RALGPS2: variants seen among roughly 807,000 people sequenced by gnomAD.
The protein encoded by RALGPS2 is Ral GEF with PH domain and SH3 binding motif 2.
In RALGPS2, 43 loss-of-function variants were observed where a neutral mutation model predicts 86.8. The observed-to-expected ratio is 0.50, with a 90% CI of 0.39 to 0.64. The LOEUF is 0.64. Among genes scored for constraint, RALGPS2 ranks in the 30% least tolerant of loss-of-function variants. The pLI, the probability that RALGPS2 is intolerant of heterozygous loss-of-function variation, is 0.00. For missense variants in RALGPS2, 536 were observed against 694.6 expected (o/e 0.77, Z 2.57); for synonymous variants, 243 against 231.3 (o/e 1.05, Z -0.46).
In RALGPS2 at chr1:178,811,359, A is replaced by T; in HGVS notation, c.342A>T (p.Leu114Phe). The stretch of plus-strand genomic sequence containing the variant: ...GAGAGATTCTTCATGCTCAAACATT[A>T]AAAATTAGAGCAGAAGTTTTGAGCC... ...VVREILHAQT[L>F]KIRAEVLSHY... Residue 114 changes from leucine (L) to phenylalanine (F), a missense_variant, in exon 6 of 20, where the codon TTA becomes TTT. Leu to Phe is a conservative substitution (Grantham distance 22, BLOSUM62 0). Around this residue, in one of 3 missense-constraint regions of RALGPS2, gnomAD observed 184 missense variants for 296.7 expected, o/e 0.62. Transcript: ENST00000367635. The T allele has an allele frequency of 6.5e-7, 1 of 1,550,272 alleles. No homozygotes were observed. The highest frequency in any genetic ancestry group is 8.6e-7 in the Non-Finnish European group (1 of 1,158,548).
intron 6 of RALGPS2, among the ~76,000 whole-genome samples, chr1:178,813,468 T>G (rs1572358412): frequency 6.6e-6 from 1 of 152,192 alleles, no homozygotes; most frequent in Non-Finnish European, 1.5e-5. Flanking sequence ...TGTTTTTTTC[T>G]CATTGTCCCT....
intron 4 of RALGPS2, among the ~76,000 whole-genome samples, chr1:178,796,932 T>C (rs531206024): frequency 4.6e-5 from 7 of 152,302 alleles, no homozygotes; most frequent in African/African-American, 1.4e-4. Flanking sequence ...TATGATTTAC[T>C]ATTTGAAGAT....
Position 178,918,780 on chromosome 1 carries a change from AT to A in RALGPS2, c.*2427del, listed in dbSNP as rs1660889315. 6.6e-6 allele frequency: 1 copy of A among 152,078 alleles called. No homozygotes were observed. Among genetic ancestry groups the A allele is most frequent in the Non-Finnish European group, 1.5e-5 (1 of 67,942 alleles). The allele number at this position is 152,078 out of a possible 1,614,324, so 9.4% of individuals were successfully genotyped here. A position where few individuals can be genotyped will look rare whatever the true frequency, so the allele number is the denominator to read the frequency against. On this transcript the variant is annotated 3_prime_UTR_variant, in exon 20 of 20. Coordinates refer to ENST00000367635, the MANE Select transcript of RALGPS2 (RefSeq NM_152663.5). The stretch of plus-strand genomic sequence containing the variant: ...AAGTGACTTAAAATAGTGTAGGTGA[AT>A]TTTTTATCTATAATTTACCAAATAA...
intron 1 of RALGPS2, among the ~76,000 whole-genome samples, chr1:178,761,776 G>T (rs1295270348): frequency 2.0e-5 from 3 of 152,036 alleles, no homozygotes; most frequent in Non-Finnish European, 2.9e-5. Context: ...GGCCAGGCAG[G>T]TCTCAAACTC....
At position 178,808,591 on chromosome 1, in the gene RALGPS2, A is replaced by T. The variant is rs776265543; in HGVS notation, c.297+463A>T. On this transcript the variant is annotated intron_variant, in intron 5 of 19. Coordinates refer to ENST00000367635, the MANE Select transcript of RALGPS2 (RefSeq NM_152663.5). Reference sequence around the variant, plus strand: ...TGCTCATTCTTAAAGTGGTTTTTTCAAAGATATATAGTGAATTTTGTATCT... The same window carrying T: ...TGCTCATTCTTAAAGTGGTTTTTTCTAAGATATATAGTGAATTTTGTATCT... 4.9e-4 allele frequency among the ~76,000 whole-genome samples: 75 copies of T among 152,190 alleles called. 1 individual carries two copies. Among genetic ancestry groups the T allele is most frequent in the Middle Eastern group, 6.8e-3 (2 of 294 alleles).
chr1:178,784,386 G>A (rs758410104), intron 2 of RALGPS2, 32 bp from the exon 3 acceptor site: 1 of 1,547,182 alleles, frequency 6.5e-7, no homozygotes, highest in South Asian at 1.2e-5. Context: ...GAGACAGTAT[G>A]TAAAAGGCTG....
intron 1 of RALGPS2, among the ~76,000 whole-genome samples, chr1:178,727,622 G>T (rs1650100143): frequency 1.3e-5 from 2 of 152,174 alleles, no homozygotes; most frequent in Admixed American, 6.5e-5. Context: ...ATATTTTTGT[G>T]TGTGTTTTTA....
intron 6 of RALGPS2, among the ~76,000 whole-genome samples, chr1:178,819,335 C>G (rs948652140): frequency 1.3e-5 from 2 of 152,116 alleles, no homozygotes; most frequent in Admixed American, 1.3e-4. Flanking sequence ...GGCTGCAAAC[C>G]TCCATAAGAC....
At chr1:178,779,936 G>C (rs1313249747) in intron 2 of RALGPS2, among the ~76,000 whole-genome samples, 3 of 152,134 alleles carry the variant, frequency 2.0e-5, no homozygotes, top group Non-Finnish European at 2.9e-5. Context: ...GTTTCACCTT[G>C]TTGGCCAGGC....
chr1:178,792,272 A>C (rs1234732178), intron 4 of RALGPS2, among the ~76,000 whole-genome samples: 2 of 152,200 alleles, frequency 1.3e-5, no homozygotes. Flanking sequence ...AAGTTCACTC[A>C]TATTTTGTTA....
chr1:178,792,865 A>G (rs1654022242), intron 4 of RALGPS2, among the ~76,000 whole-genome samples: 1 of 152,212 alleles, frequency 6.6e-6, no homozygotes. Flanking sequence ...GGAAAGTTCC[A>G]TCATCTATAT....
intron 11 of RALGPS2, among the ~76,000 whole-genome samples, chr1:178,883,813 G>A (rs969882978): frequency 1.7e-4 from 26 of 151,884 alleles, no homozygotes; most frequent in Admixed American, 1.3e-3. Flanking sequence ...GTGAAACCCC[G>A]TCTCTGCTAA....
intron 6 of RALGPS2, among the ~76,000 whole-genome samples, chr1:178,820,090 A>G (rs965450623): frequency 6.6e-6 from 1 of 152,284 alleles, no homozygotes; most frequent in South Asian, 2.1e-4. Context: ...AACACACTTA[A>G]TATTTTTGGA....
chr1:178,817,667 AT>A (rs1324632992), intron 6 of RALGPS2, among the ~76,000 whole-genome samples: 1 of 152,094 alleles, frequency 6.6e-6, no homozygotes, highest in African/African-American at 2.4e-5. Context: ...GCCTGCTTCC[AT>A]TTTTGATTGA....
At chr1:178,861,507 A>G (rs1572418208) in intron 8 of RALGPS2, among the ~76,000 whole-genome samples, 1 of 151,508 alleles carries the variant, frequency 6.6e-6, no homozygotes, top group Non-Finnish European at 1.5e-5. Flanking sequence ...GGTATGTTTC[A>G]TTTTGTATAA....
At chr1:178,803,834 A>G (rs1300080671) in intron 4 of RALGPS2, among the ~76,000 whole-genome samples, 5 of 152,086 alleles carry the variant, frequency 3.3e-5, no homozygotes, top group Non-Finnish European at 7.4e-5. Flanking sequence ...AGTATTCCCT[A>G]TCTCAGTTGC....
intron 19 of RALGPS2, among the ~76,000 whole-genome samples, chr1:178,913,559 TA>T (rs1021570833): frequency 1.1e-4 from 17 of 152,226 alleles, no homozygotes; most frequent in African/African-American, 4.1e-4. Flanking sequence ...CTGTGGTTTT[TA>T]GAGTTGCTAG....
At chr1:178,830,441 A>T (rs1655964018) in intron 7 of RALGPS2, among the ~76,000 whole-genome samples, 1 of 152,176 alleles carries the variant, frequency 6.6e-6, no homozygotes, top group Admixed American at 6.5e-5. Context: ...CAGGATTCTG[A>T]TACGTGTATG....
chr1:178,898,462 A>AG (rs1660035190), intron 17 of RALGPS2, among the ~76,000 whole-genome samples: 1 of 152,020 alleles, frequency 6.6e-6, no homozygotes, highest in Non-Finnish European at 1.5e-5. Context: ...AGTAATTCAG[A>AG]GAAACTCTTC....
Sources: gnomAD v4.1 joint callset for allele counts (sites outside exome capture counted in the v4.1 genomes callset) on GRCh38, gnomAD v4.1.1 for gene constraint, gnomAD v4.1.1 regional missense constraint, MANE v1.5 for transcripts, NCBI Gene and HGNC (gene_info 2026-07-23, HGNC 2026-07-21) for gene names.